Variants in SCFD1 observed in about 807,000 individuals in gnomAD.
The protein encoded by SCFD1 is sec1 family domain-containing protein 1.
Under a neutral mutation model 103.2 loss-of-function variants are expected in SCFD1, and 37 were observed. That is an observed-to-expected ratio of 0.36 (90% CI 0.28 to 0.47). The LOEUF (loss-of-function observed/expected upper bound fraction) is 0.47, where lower values mean the gene tolerates loss of function less well. Ranked by LOEUF, SCFD1 falls within the 20% of genes least tolerant of loss-of-function variation. SCFD1 has a pLI of 1.00. For synonymous variants in SCFD1, 264 were observed against 245.0 expected, an observed-to-expected ratio of 1.08 and a Z score of -0.73; for missense variants, 639 against 761.2, an observed-to-expected ratio of 0.84 and a Z score of 1.89.
intron 23 of SCFD1, 52 bp from the exon 24 acceptor site, chr14:30,734,738 T>C (rs1893716680): frequency 7.7e-7 from 1 of 1,294,678 alleles, no homozygotes; most frequent in East Asian, 2.3e-5. Flanking sequence ...CTTGGGAATA[T>C]TGAATATATT....
intron 12 of SCFD1, 97 bp downstream of exon 12, chr14:30,673,444 C>A: frequency 3.7e-6 from 2 of 538,914 alleles, no homozygotes; most frequent in Non-Finnish European, 6.5e-6. Context: ...AATTGAAGGC[C>A]ATTTAATGCT....
intron 14 of SCFD1, among the ~76,000 whole-genome samples, chr14:30,693,612 A>G (rs1389861488): frequency 1.2e-4 from 19 of 152,178 alleles, no homozygotes; most frequent in Admixed American, 1.1e-3. Context: ...ATCACTTTCA[A>G]ACTTCAACTC....
rs772774017 is a variant in SCFD1, at chr14:30,673,346, T to C, written c.1085T>C (p.Met362Thr). ...GAGGTCAAACGACTTAAAAGCATTA[T>C]GGTAAGATTCTATTTGCTTTCTAAG... Reference protein sequence around the residue: ...EDEVKRLKSIMGLEGEDEGAI... With the variant: ...EDEVKRLKSITGLEGEDEGAI... Residue 362 changes from methionine to threonine, a missense_variant and splice_region_variant, in exon 12 of 25, where the codon ATG becomes ACG. Transcript: ENST00000458591. 3 of 1,487,142 alleles carry C rather than the reference T, an allele frequency of 2.0e-6. No homozygotes were observed. The highest frequency in any genetic ancestry group is 2.8e-6 in the Non-Finnish European group (3 of 1,073,012). 92.1% of individuals were successfully genotyped at this position (1,487,142 alleles called of 1,614,324 possible).
chr14:30,724,005 C>T (rs1721350312), intron 23 of SCFD1, among the ~76,000 whole-genome samples: 1 of 101,352 alleles, frequency 9.9e-6, no homozygotes, highest in African/African-American at 7.1e-5. Flanking sequence ...CTAATTTATA[C>T]TCCCATCGTG....
chr14:30,637,712 T>A (rs1884870642), intron 4 of SCFD1, among the ~76,000 whole-genome samples: 1 of 152,152 alleles, frequency 6.6e-6, no homozygotes, highest in African/African-American at 2.4e-5. Context: ...GAATTGGTAA[T>A]TGGATTTATA....
At chr14:30,655,507 G>A (rs1358883971) in intron 10 of SCFD1, among the ~76,000 whole-genome samples, 1 of 152,212 alleles carries the variant, frequency 6.6e-6, no homozygotes, top group Non-Finnish European at 1.5e-5. Flanking sequence ...TACATTTGAA[G>A]ACTGTCACTC....
intron 14 of SCFD1, chr14:30,683,701 C>A (rs1409959840): frequency 1.7e-5 from 3 of 176,420 alleles, no homozygotes; most frequent in South Asian, 2.4e-4. Context: ...TTCTGTCTCA[C>A]AAACCCTATC....
chr14:30,665,799 C>A (rs1887902984), intron 10 of SCFD1, among the ~76,000 whole-genome samples: 1 of 152,014 alleles, frequency 6.6e-6, no homozygotes, highest in African/African-American at 2.4e-5. Context: ...ACAAAGAAGG[C>A]CATTACATAA....
rs564712015 is a variant in SCFD1, at chr14:30,692,160, A to G, written c.1243-2613A>G. On this transcript the variant is annotated intron_variant, in intron 14 of 24. Coordinates refer to ENST00000458591, the MANE Select transcript of SCFD1 (RefSeq NM_016106.4). ...TCCACTTCTAGAAGTTCGTTCATCT[A>G]TTTTTATGACTTTTAAAAATGATTA... Among the ~76,000 whole-genome samples, 295 of 152,090 alleles carry G rather than the reference A, an allele frequency of 1.9e-3. 1 individual carries two copies. Among genetic ancestry groups the G allele is most frequent in the Non-Finnish European group, 4.0e-4 (27 of 68,016 alleles).
At position 30,690,474 on chromosome 14, in the gene SCFD1, G is replaced by A. The variant is rs12381107; in HGVS notation, c.1243-4299G>A. On this transcript the variant is annotated intron_variant, in intron 14 of 24. Coordinates refer to ENST00000458591, the MANE Select transcript of SCFD1 (RefSeq NM_016106.4). The stretch of plus-strand genomic sequence containing the variant: ...TAGCAATCAGCGAGATTCCGTGGGC[G>A]TAGGACCCTCTGAGCCAGGTGTGGG... Among the ~76,000 whole-genome samples, 23 of 112,552 alleles carry A rather than the reference G, an allele frequency of 2.0e-4. 1 individual carries two copies. The highest frequency in any genetic ancestry group is 9.7e-5 in the African/African-American group (2 of 20,570). The allele number at this position is 112,552 out of a possible 152,430, so 73.8% of individuals were successfully genotyped here.
At chr14:30,677,890 A>C (rs1889164477) in intron 14 of SCFD1, among the ~76,000 whole-genome samples, 1 of 115,212 alleles carries the variant, frequency 8.7e-6, no homozygotes, top group Non-Finnish European at 1.6e-5. Context: ...ACCAGGCCGG[A>C]GTGCAGTGGC....
upstream of SCFD1, chr14:30,622,292 T>C: frequency 1.3e-6 from 2 of 1,589,060 alleles, no homozygotes; most frequent in South Asian, 1.1e-5. Flanking sequence ...AGCCACGTCA[T>C]CCCCCCGCTC....
intron 5 of SCFD1, 109 bp from the exon 6 acceptor site, chr14:30,639,668 A>G (rs1234835229): frequency 8.6e-7 from 1 of 1,163,448 alleles, no homozygotes; most frequent in Non-Finnish European, 1.1e-6. Flanking sequence ...ATTGAATGTA[A>G]TTAGGATTTT....
At chr14:30,649,942 C>T (rs945700488) in intron 8 of SCFD1, among the ~76,000 whole-genome samples, 5 of 152,050 alleles carry the variant, frequency 3.3e-5, no homozygotes, top group Non-Finnish European at 5.9e-5. Flanking sequence ...TAATCATAAC[C>T]ATTTTTAAAA....
chr14:30,656,486 C>T (rs1886915593), intron 10 of SCFD1, among the ~76,000 whole-genome samples: 1 of 152,136 alleles, frequency 6.6e-6, no homozygotes, highest in South Asian at 2.1e-4. Flanking sequence ...TGTTTAGCAT[C>T]ATTCCTGGCC....
At chr14:30,640,183 T>C (rs1260465040) in intron 6 of SCFD1, among the ~76,000 whole-genome samples, 2 of 152,194 alleles carry the variant, frequency 1.3e-5, no homozygotes, top group Admixed American at 6.5e-5. Flanking sequence ...ATTTATCATC[T>C]AGTACTTTGA....
At chr14:30,666,766 A>T (rs1231813407) in intron 10 of SCFD1, among the ~76,000 whole-genome samples, 2 of 152,232 alleles carry the variant, frequency 1.3e-5, no homozygotes, top group Non-Finnish European at 2.9e-5. Context: ...AGAGAATACT[A>T]TAAACACCTC....
At chr14:30,678,316 C>A (rs1386931274) in intron 14 of SCFD1, among the ~76,000 whole-genome samples, 2 of 152,084 alleles carry the variant, frequency 1.3e-5, no homozygotes, top group Non-Finnish European at 2.9e-5. Flanking sequence ...CTGGCAGTTA[C>A]CCCGCAATTG....
At chr14:30,710,200 G>GT (rs777056940) in intron 19 of SCFD1, among the ~76,000 whole-genome samples, 12 of 151,552 alleles carry the variant, frequency 7.9e-5, no homozygotes, top group Non-Finnish European at 1.8e-4. Context: ...TTACATCTCT[G>GT]TTTTTTTAAT....
Sources: gnomAD v4.1 joint callset for allele counts (sites outside exome capture counted in the v4.1 genomes callset) on GRCh38, gnomAD v4.1.1 for gene constraint, MANE v1.5 for transcripts, NCBI Gene and HGNC (gene_info 2026-07-23, HGNC 2026-07-21) for gene names.